The following ATP7B variants were observed in gnomAD, a reference collection of about 807,000 sequenced individuals.
ATP7B encodes copper-transporting ATPase 2.
ATP7B carries 113 observed loss-of-function variants against 118.9 expected under a neutral mutation model. The ratio of observed to expected loss-of-function variants is 0.95; its 90% CI spans 0.82 to 1.11. ATP7B has a LOEUF of 1.11. ATP7B is among the 50% of genes most tolerant of loss of function. The probability of loss-of-function intolerance (pLI) is 0.00; values close to 1 mark genes in which losing one functional copy is unlikely to be tolerated. For synonymous variants in ATP7B, 777 were observed against 727.4 expected, an observed-to-expected ratio of 1.07 and a Z score of -1.10; for missense variants, 1,867 against 1,871.4, an observed-to-expected ratio of 1.00 and a Z score of 0.04.
chr13:51,983,478 G>C (rs998660197), intron 1 of ATP7B, among the ~76,000 whole-genome samples: 1 of 152,158 alleles, frequency 6.6e-6, no homozygotes, highest in Non-Finnish European at 1.5e-5. Flanking sequence ...GGTGGCTGTG[G>C]GTGCAGCTTC....
At chr13:51,961,999 G>C (rs1958780594) in intron 5 of ATP7B, 86 bp from the exon 6 acceptor site, 1 of 1,184,766 alleles carries the variant, frequency 8.4e-7, no homozygotes, top group Admixed American at 1.8e-5. Flanking sequence ...TTTCAGCTTT[G>C]GAAATTAGAA....
chr13:51,985,527 C>T (rs1364750344), intron 1 of ATP7B, among the ~76,000 whole-genome samples: 1 of 152,054 alleles, frequency 6.6e-6, no homozygotes, highest in Admixed American at 6.6e-5. Flanking sequence ...AAATTAACAA[C>T]GATATTCAGG....
In ATP7B at chr13:51,934,890, C is replaced by A; in HGVS notation, c.4264G>T (p.Val1422Phe). 1.2e-6 allele frequency: 2 copies of A among 1,614,188 alleles called. No homozygotes were observed. The highest frequency in any genetic ancestry group is 8.5e-7 in the Non-Finnish European group (1 of 1,180,046). ...DSPRATPWDQ[V>F]SYVSQVSLSS... ...AGCGACACCTGGCTGACATAGCTGA[C>A]CTGGTCCCATGGTGTGGCCCTGGGG... is the stretch of plus-strand genomic sequence containing the variant. The change falls in exon 21 of 21, where the codon GTC becomes TTC. Residue 1422 changes from valine (V) to phenylalanine (F), a missense_variant. Val to Phe is a conservative substitution (Grantham distance 50). Coordinates refer to ENST00000242839, the MANE Select transcript of ATP7B (RefSeq NM_000053.4).
intron 1 of ATP7B, among the ~76,000 whole-genome samples, chr13:51,983,035 C>T (rs1952496244): frequency 6.6e-6 from 1 of 152,134 alleles, no homozygotes; most frequent in East Asian, 1.9e-4. Flanking sequence ...TTTCATACCC[C>T]AGTGGTGCCT....
At chr13:51,986,487 TA>T (rs1264735113) in intron 1 of ATP7B, among the ~76,000 whole-genome samples, 2 of 152,084 alleles carry the variant, frequency 1.3e-5, no homozygotes, top group African/African-American at 4.8e-5. Flanking sequence ...ACCAGAGGTA[TA>T]AAGAGGAGCT....
chr13:51,999,655 C>T (rs1189907850), intron 1 of ATP7B, among the ~76,000 whole-genome samples: 2 of 152,204 alleles, frequency 1.3e-5, no homozygotes, highest in Non-Finnish European at 2.9e-5. Context: ...TCCTGCAAAA[C>T]TCCAACACGG....
chr13:51,952,646 T>C (rs748956384), intron 9 of ATP7B, among the ~76,000 whole-genome samples: 1 of 152,244 alleles, frequency 6.6e-6, no homozygotes, highest in Non-Finnish European at 1.5e-5. Flanking sequence ...TGTTGCTATG[T>C]ACAACTATAT....
rs753962912 is a variant in ATP7B at position 51,964,994 on chromosome 13, CTA to C, written c.1745_1746del (p.Ile582ArgfsTer25). The C allele has an allele frequency of 2.2e-5, 36 of 1,614,124 alleles. No individual in the cohort carries two copies. Among genetic ancestry groups the C allele is most frequent in the Non-Finnish European group, 2.9e-5 (34 of 1,180,042 alleles). On this transcript the variant is annotated frameshift_variant, in exon 5 of 21. Transcript: ENST00000242839. LOFTEE classifies it high-confidence loss of function. The part of the protein sequence containing the change: ...GMTCASCVHN[I>X]ESKLTRTNGI... ...CCATTTGTCCTCGTGAGTTTGGACTCTATGTTGTGGACACAGGACGCGCAGGT... is the reference window on the plus strand; with the variant it reads ...CCATTTGTCCTCGTGAGTTTGGACTCTGTTGTGGACACAGGACGCGCAGGT...
At chr13:52,007,852 T>C (rs1253246437) in intron 1 of ATP7B, among the ~76,000 whole-genome samples, 1 of 152,134 alleles carries the variant, frequency 6.6e-6, no homozygotes, top group Non-Finnish European at 1.5e-5. Context: ...ACCAGTTTAT[T>C]ATACAAAATA....
chr13:51,988,679 G>A (rs1407443945), intron 1 of ATP7B, among the ~76,000 whole-genome samples: 2 of 152,100 alleles, frequency 1.3e-5, no homozygotes, highest in Non-Finnish European at 2.9e-5. Flanking sequence ...ATGATAGACT[G>A]GATAAAGAAA....
intron 4 of ATP7B, among the ~76,000 whole-genome samples, chr13:51,966,405 C>T (rs986266288): frequency 2.0e-5 from 3 of 152,190 alleles, no homozygotes; most frequent in Non-Finnish European, 4.4e-5. Flanking sequence ...AGCGACAGGG[C>T]CAAAACTCAA....
intron 5 of ATP7B, 34 bp from the exon 6 acceptor site, chr13:51,961,947 G>A (rs1958775886): frequency 6.4e-7 from 1 of 1,570,864 alleles, no homozygotes; most frequent in East Asian, 2.2e-5. Context: ...GGGGAAAAAG[G>A]AGGAAGGTAC....
chr13:51,977,590 TTTTTA>T (rs1952187258), intron 1 of ATP7B, among the ~76,000 whole-genome samples: 1 of 152,240 alleles, frequency 6.6e-6, no homozygotes. Flanking sequence ...TAACTTTTTC[TTTTTA>T]TAAGTAGAAG....
chr13:51,975,287 G>A, intron 1 of ATP7B, 119 bp from the exon 2 acceptor site: 1 of 1,338,152 alleles, frequency 7.5e-7, no homozygotes, highest in Non-Finnish European at 1.1e-6. Flanking sequence ...ATATCCCAAG[G>A]GTAGAAGAAC....
chr13:51,957,065 A>G (rs969972347), intron 9 of ATP7B, among the ~76,000 whole-genome samples: 1 of 152,198 alleles, frequency 6.6e-6, no homozygotes, highest in Non-Finnish European at 1.5e-5. Context: ...ATGCAACAAG[A>G]GTTTCCAGGA....
chr13:51,991,017 G>C (rs1274015730), intron 1 of ATP7B, among the ~76,000 whole-genome samples: 2 of 152,156 alleles, frequency 1.3e-5, no homozygotes, highest in Non-Finnish European at 2.9e-5. Flanking sequence ...GAGCCTGGGA[G>C]GCGGAGCTTT....
At chr13:51,972,121 G>T (rs1458778410) in intron 2 of ATP7B, among the ~76,000 whole-genome samples, 1 of 152,016 alleles carries the variant, frequency 6.6e-6, no homozygotes. Flanking sequence ...CTTATCTTCA[G>T]CATTTCTCTC....
At chr13:51,954,642 T>C (rs759600194) in intron 9 of ATP7B, among the ~76,000 whole-genome samples, 11 of 152,076 alleles carry the variant, frequency 7.2e-5, no homozygotes, top group Non-Finnish European at 1.6e-4. Context: ...ACAGGCATTG[T>C]AGAGGACACA....
intron 1 of ATP7B, among the ~76,000 whole-genome samples, chr13:51,995,561 A>C (rs1953163607): frequency 6.6e-6 from 1 of 152,172 alleles, no homozygotes; most frequent in Non-Finnish European, 1.5e-5. Context: ...CGCTGAGTTC[A>C]CGGCCACGGC....
Sources: gnomAD v4.1 joint callset for allele counts (sites outside exome capture counted in the v4.1 genomes callset) on GRCh38, gnomAD v4.1.1 for gene constraint, MANE v1.5 for transcripts, NCBI Gene and HGNC (gene_info 2026-07-23, HGNC 2026-07-21) for gene names.